Variants in ABI3BP observed in about 807,000 individuals in gnomAD.
ABI3BP encodes the protein target of Nesh-SH3.
A neutral mutation model predicts 268.6 loss-of-function variants in ABI3BP; 216 were observed. The observed-to-expected ratio is 0.80, with a 90% CI of 0.72 to 0.90. ABI3BP has a LOEUF of 0.90. Among genes scored for constraint, ABI3BP ranks in the 40% least tolerant of loss-of-function variants. ABI3BP has a pLI of 0.00. For missense variants in ABI3BP, 2,090 were observed against 2,182.4 expected, an observed-to-expected ratio of 0.96 and a Z score of 0.84; for synonymous variants, 730 against 730.0, an observed-to-expected ratio of 1.00 and a Z score of 0.00.
Position 100,886,148 on chromosome 3 carries a change from C to A in ABI3BP, c.637G>T (p.Val213Phe), listed in dbSNP as rs375087188. Residue 213 changes from valine (V) to phenylalanine (F), a missense_variant, in exon 5 of 68, where the codon GTT becomes TTT. By Grantham distance (50) the Val-to-Phe change is conservative. Transcript: ENST00000471714. Reference protein sequence around the residue: ...WSKIFNHKTVVGSKKVNGKIQ... With the variant: ...WSKIFNHKTVFGSKKVNGKIQ... ...AACATTTCTAGGTACTTACTTCCAACAACAGTCTTGTGATTGAAAATCTTA... is the reference window on the plus strand; with the variant it reads ...AACATTTCTAGGTACTTACTTCCAAAAACAGTCTTGTGATTGAAAATCTTA... 11 of 1,584,906 alleles carry A rather than the reference C, an allele frequency of 6.9e-6. No individual in the cohort carries two copies. Among genetic ancestry groups the A allele is most frequent in the Non-Finnish European group, 8.6e-6 (10 of 1,167,852 alleles).
chr3:100,805,989 T>C (rs989949157), intron 50 of ABI3BP, among the ~76,000 whole-genome samples: 1 of 152,022 alleles, frequency 6.6e-6, no homozygotes, highest in African/African-American at 2.4e-5. Flanking sequence ...TTTTGAGTTA[T>C]AAAAAATTCT....
intron 1 of ABI3BP, among the ~76,000 whole-genome samples, chr3:100,981,621 A>C (rs1347209626): frequency 6.6e-6 from 1 of 152,124 alleles, no homozygotes; most frequent in Admixed American, 6.5e-5. Flanking sequence ...ATGACCAAAG[A>C]CCACAACTTG....
intron 1 of ABI3BP, among the ~76,000 whole-genome samples, chr3:100,978,610 G>A (rs1282819201): frequency 2.0e-5 from 3 of 152,092 alleles, no homozygotes; most frequent in Non-Finnish European, 2.9e-5. Context: ...ATTATAAAAG[G>A]CAGCCAGCAA....
chr3:100,765,912 A>G lies in ABI3BP; in HGVS notation c.4779T>C (p.Ser1593=), dbSNP rs2096249818. 1 of 1,612,790 alleles carries G rather than the reference A, an allele frequency of 6.2e-7. No individual in the cohort carries two copies. Among genetic ancestry groups the G allele is most frequent in the South Asian group, 1.1e-5 (1 of 90,740 alleles). Residue 1593 remains serine, a synonymous_variant, in exon 63 of 68, where the codon AGT becomes AGC. Transcript: ENST00000471714. ...TCATTTGAATGGACTTGTTCTTCCCACTGAATGACCCATTTTCTCTGGATA... is the reference window on the plus strand; with the variant it reads ...TCATTTGAATGGACTTGTTCTTCCCGCTGAATGACCCATTTTCTCTGGATA... ...EVISRENGSF[S]GKNKSIQMTN... is the part of the protein sequence containing the mutation.
intron 12 of ABI3BP, 190 bp downstream of exon 12, chr3:100,863,812 C>A: frequency 1.9e-6 from 1 of 538,818 alleles, no homozygotes; most frequent in Non-Finnish European, 3.3e-6. Flanking sequence ...AAAATATGAC[C>A]ACTTAAAAGA....
chr3:100,769,989 C>T (rs957088465), intron 62 of ABI3BP, among the ~76,000 whole-genome samples: 6 of 152,198 alleles, frequency 3.9e-5, no homozygotes, highest in African/African-American at 1.4e-4. Flanking sequence ...CTACCTGGTC[C>T]TGTGCACTGC....
At chr3:100,754,444 G>T (rs886551909) in intron 64 of ABI3BP, among the ~76,000 whole-genome samples, 168 bp downstream of exon 64, 3 of 152,172 alleles carry the variant, frequency 2.0e-5, no homozygotes, top group Non-Finnish European at 4.4e-5. Context: ...GGAAAAATAT[G>T]CATGGTGTTT....
rs748915785 is a variant in ABI3BP, at chr3:100,775,334, T to A, written c.4335A>T (p.Gly1445=). The A allele has an allele frequency of 3.1e-5, 50 of 1,601,338 alleles. No homozygotes were observed. Among genetic ancestry groups the A allele is most frequent in the Non-Finnish European group, 3.1e-5 (36 of 1,173,356 alleles). The change falls in exon 60 of 68, where the codon GGA becomes GGT. Residue 1445 remains glycine, a splice_region_variant and synonymous_variant. Transcript: ENST00000471714. ...TAGTTATTGGGCCTGATGAAATGAT[T>A]CCTGTAAAGTAGAGCCAAAGTAGTC... The part of the protein sequence containing the change: ...NNVTGKPGSA[G]IISSGPITTP...
intron 10 of ABI3BP, among the ~76,000 whole-genome samples, chr3:100,865,478 T>A (rs1347434112): frequency 2.0e-5 from 3 of 152,120 alleles, no homozygotes; most frequent in Non-Finnish European, 4.4e-5. Flanking sequence ...TCCCAAATGC[T>A]AGATTAAAGG....
chr3:100,791,185 C>A (rs931123334), intron 55 of ABI3BP, among the ~76,000 whole-genome samples: 2 of 151,598 alleles, frequency 1.3e-5, no homozygotes, highest in African/African-American at 4.8e-5. Context: ...GGATATACTC[C>A]CAATAACAGG....
chr3:100,962,581 C>T (rs1308073462), intron 1 of ABI3BP, among the ~76,000 whole-genome samples: 1 of 152,266 alleles, frequency 6.6e-6, no homozygotes, highest in African/African-American at 2.4e-5. Context: ...GTGTCAATTA[C>T]ACAAACAAAA....
rs189709798 is a variant in ABI3BP, at chr3:100,796,493, C to T, written c.3758-25G>A. The T allele has an allele frequency of 4.3e-5, 67 of 1,566,384 alleles. 1 individual carries two copies. The highest frequency in any genetic ancestry group is 5.5e-5 in the Non-Finnish European group (63 of 1,149,682). On this transcript the variant is annotated intron_variant, in intron 51 of 67. Coordinates refer to ENST00000471714, the MANE Select transcript of ABI3BP (RefSeq NM_001375547.2). ...GCTGAAAGAAAAAGATTATAAAACA[C>T]TGCATACTCTAAATAACCCAACTGG...
At chr3:100,979,019 G>A (rs1388096003) in intron 1 of ABI3BP, among the ~76,000 whole-genome samples, 1 of 152,186 alleles carries the variant, frequency 6.6e-6, no homozygotes, top group Non-Finnish European at 1.5e-5. Flanking sequence ...CCCAGGACCA[G>A]CATTGCTAGT....
chr3:100,796,317 C>A, intron 52 of ABI3BP, 92 bp downstream of exon 52: 1 of 985,530 alleles, frequency 1.0e-6, no homozygotes, highest in Non-Finnish European at 1.4e-6. Context: ...AAATTTCTTC[C>A]ATATCACAAC....
Position 100,846,384 on chromosome 3 carries a change from G to T in ABI3BP, c.1711C>A (p.His571Asn). The T allele has an allele frequency of 6.3e-7, 1 of 1,599,250 alleles. No homozygotes were observed. Among genetic ancestry groups the T allele is most frequent in the Non-Finnish European group, 8.5e-7 (1 of 1,172,150 alleles). Residue 571 changes from histidine to asparagine, a missense_variant, in exon 20 of 68, where the codon CAC becomes AAC. His to Asn is a moderately conservative substitution (Grantham distance 68). Coordinates refer to ENST00000471714, the MANE Select transcript of ABI3BP (RefSeq NM_001375547.2). ...PKIPLSPEVT[H>N]TKPAPEPQTL... ...TTAGGGTAATTACCAGGTTTGGTGTGTGTCACTTCTGGGCTGAGAGGGATT... is the reference window on the plus strand; with the variant it reads ...TTAGGGTAATTACCAGGTTTGGTGTTTGTCACTTCTGGGCTGAGAGGGATT...
intron 63 of ABI3BP, among the ~76,000 whole-genome samples, chr3:100,760,615 T>C (rs939758902): frequency 4.6e-5 from 7 of 152,144 alleles, no homozygotes; most frequent in Admixed American, 1.3e-4. Flanking sequence ...TATCACAGAA[T>C]TATATCATTT....
At chr3:100,861,107 C>T (rs889680745) in intron 14 of ABI3BP, among the ~76,000 whole-genome samples, 1 of 152,150 alleles carries the variant, frequency 6.6e-6, no homozygotes, top group Non-Finnish European at 1.5e-5. Flanking sequence ...ATTTTAGAGT[C>T]AGTGACTAGG....
chr3:100,774,605 C>A lies in ABI3BP; in HGVS notation c.4531G>T (p.Gly1511Ter). ...TDPLGKPRFK[G>*]PHVRYIQKPD... ...GAGATTCACAGCCAGTCATACATAC[C>A]TTTGAATCTTGGCTTCCCAAGAGGA... Residue 1511 changes from glycine (G) to a stop codon, truncating the protein, a stop_gained and splice_region_variant, in exon 61 of 68, where the codon GGA becomes TGA. Coordinates refer to ENST00000471714, the MANE Select transcript of ABI3BP (RefSeq NM_001375547.2). LOFTEE classifies it high-confidence loss of function. 6.3e-7 allele frequency: 1 copy of A among 1,578,696 alleles called. No individual in the cohort carries two copies. The highest frequency in any genetic ancestry group is 8.6e-7 in the Non-Finnish European group (1 of 1,161,604).
At chr3:100,862,184 C>A in intron 14 of ABI3BP, 127 bp downstream of exon 14, 1 of 710,180 alleles carries the variant, frequency 1.4e-6, no homozygotes, top group Non-Finnish European at 2.3e-6. Flanking sequence ...TCAGTATCAA[C>A]AAATGTATGA....
Sources: allele counts gnomAD v4.1 joint callset (sites outside exome capture counted in the v4.1 genomes callset), GRCh38; gene constraint gnomAD v4.1.1; transcripts MANE v1.5; gene names NCBI Gene and HGNC (gene_info 2026-07-23, HGNC 2026-07-21).